The following STX8 variants were observed in gnomAD, a reference collection of about 807,000 sequenced individuals.
STX8 encodes the protein syntaxin-8.
STX8 carries 23 observed loss-of-function variants against 37.5 expected under a neutral mutation model. That is an observed-to-expected ratio of 0.61 (90% confidence interval 0.44 to 0.87). The LOEUF is 0.87. STX8 is among the 40% of genes least tolerant of loss of function. The probability of loss-of-function intolerance (pLI) is 0.00; values close to 1 mark genes in which losing one functional copy is unlikely to be tolerated. For missense variants in STX8, 313 were observed against 284.7 expected (o/e 1.10, Z -0.71); for synonymous variants, 115 against 99.1 (o/e 1.16, Z -0.95).
intron 4 of STX8, among the ~76,000 whole-genome samples, chr17:9,536,807 G>A (rs1046841596): frequency 2.0e-5 from 3 of 151,000 alleles, no homozygotes; most frequent in South Asian, 4.2e-4. Flanking sequence ...GCAGTGGCAC[G>A]ATCTCAGCTC....
At chr17:9,543,292 G>GTACTTT (rs371620984) in intron 4 of STX8, among the ~76,000 whole-genome samples, 42 of 33,996 alleles carry the variant, frequency 1.2e-3, no homozygotes, top group African/African-American at 6.4e-3. Flanking sequence ...CTAGAAGACA[G>GTACTTT]TTTTTTGGTT....
rs571434433 is a variant in STX8, at chr17:9,374,086, AT to A, written c.643+4465del. ...TGCTATATATATTTTACCACAATTA[AT>A]TTTTTTTTTTTTTTGATGGAGTCTC... On this transcript the variant is annotated intron_variant, in intron 7 of 7. Coordinates refer to ENST00000306357, the MANE Select transcript of STX8 (RefSeq NM_004853.3). Among the ~76,000 whole-genome samples the A allele has an allele frequency of 7.7e-3, 1,112 of 143,968 alleles. 2 individuals are homozygous for A. The highest frequency in any genetic ancestry group is 0.011 in the Middle Eastern group (3 of 284). The allele number at this position is 143,968 out of a possible 152,430, so 94.4% of individuals were successfully genotyped here.
intron 3 of STX8, among the ~76,000 whole-genome samples, chr17:9,545,613 C>G (rs1219457004): frequency 6.6e-6 from 1 of 152,222 alleles, no homozygotes; most frequent in Non-Finnish European, 1.5e-5. Flanking sequence ...CAGAGTCTCG[C>G]TCTGTCGCCC....
chr17:9,390,687 A>G (rs62790562), intron 6 of STX8, among the ~76,000 whole-genome samples: 1 of 145,178 alleles, frequency 6.9e-6, no homozygotes, highest in African/African-American at 2.5e-5. Flanking sequence ...AAAAAAAAAA[A>G]TTAGCCAGGC....
At chr17:9,273,047 G>C (rs774497824) in intron 7 of STX8, among the ~76,000 whole-genome samples, 1 of 152,236 alleles carries the variant, frequency 6.6e-6, no homozygotes, top group Non-Finnish European at 1.5e-5. Context: ...AAGAAGGAAG[G>C]GGGAAAACCG....
chr17:9,428,291 T>A (rs7209078), intron 6 of STX8, among the ~76,000 whole-genome samples: 77,704 of 152,074 alleles, frequency 0.51, 20,452 homozygotes, highest in Middle Eastern at 0.61. Flanking sequence ...TCCAGCCTGG[T>A]GGGCAGTGGC....
At chr17:9,412,771 C>T (rs143452181) in intron 6 of STX8, among the ~76,000 whole-genome samples, 62 of 152,084 alleles carry the variant, frequency 4.1e-4, no homozygotes, top group African/African-American at 1.4e-3. Flanking sequence ...TGTCAAAATA[C>T]ATATTTGTTC....
intron 6 of STX8, among the ~76,000 whole-genome samples, chr17:9,474,222 C>A (rs1906004324): frequency 6.6e-6 from 1 of 152,148 alleles, no homozygotes; most frequent in Non-Finnish European, 1.5e-5. Context: ...ACCTCTATAC[C>A]TTGCCCTATA....
chr17:9,562,613 A>T (rs200891168), intron 2 of STX8, among the ~76,000 whole-genome samples: 1,757 of 51,104 alleles, frequency 0.034, 48 homozygotes, highest in African/African-American at 0.08. Flanking sequence ...AAAAAAAAAA[A>T]ATATATATAT....
chr17:9,566,346 ACT>A (rs1338570857), intron 2 of STX8, among the ~76,000 whole-genome samples: 1 of 152,192 alleles, frequency 6.6e-6, no homozygotes, highest in African/African-American at 2.4e-5. Context: ...ACACTTATAC[ACT>A]GTTAGTGGGA....
chr17:9,280,121 G>C (rs1472169326), intron 7 of STX8, among the ~76,000 whole-genome samples: 3 of 152,208 alleles, frequency 2.0e-5, no homozygotes, highest in Non-Finnish European at 4.4e-5. Flanking sequence ...CTGCGAGGCA[G>C]GGGTGGGAGA....
intron 7 of STX8, among the ~76,000 whole-genome samples, chr17:9,265,284 G>A (rs1907196670): frequency 6.6e-6 from 1 of 152,220 alleles, no homozygotes; most frequent in African/African-American, 2.4e-5. Context: ...AGGGCAAGAG[G>A]TTTCTGGGGC....
At chr17:9,423,809 C>A (rs1913528391) in intron 6 of STX8, among the ~76,000 whole-genome samples, 2 of 152,194 alleles carry the variant, frequency 1.3e-5, no homozygotes, top group African/African-American at 4.8e-5. Flanking sequence ...AAGCTAGACA[C>A]TGCACCAGAC....
At chr17:9,280,343 T>TA (rs1907838625) in intron 7 of STX8, among the ~76,000 whole-genome samples, 1 of 152,230 alleles carries the variant, frequency 6.6e-6, no homozygotes, top group African/African-American at 2.4e-5. Flanking sequence ...GTGGATCACT[T>TA]AAAGTCAGGA....
chr17:9,265,797 G>C (rs1907212426), intron 7 of STX8, among the ~76,000 whole-genome samples: 1 of 152,190 alleles, frequency 6.6e-6, no homozygotes, highest in Non-Finnish European at 1.5e-5. Context: ...TGACGTCCTA[G>C]TGTGTGTTTG....
chr17:9,454,514 TAA>T (rs372730598), intron 6 of STX8, among the ~76,000 whole-genome samples: 1 of 151,736 alleles, frequency 6.6e-6, no homozygotes, highest in South Asian at 2.1e-4. Context: ...CCATCTCTAC[TAA>T]AAAAATACAA....
At chr17:9,403,228 T>G (rs1241885181) in intron 6 of STX8, among the ~76,000 whole-genome samples, 1 of 152,176 alleles carries the variant, frequency 6.6e-6, no homozygotes, top group Non-Finnish European at 1.5e-5. Flanking sequence ...AATTTCACAA[T>G]TCTATCACAG....
chr17:9,506,955 A>C (rs752882592), intron 4 of STX8, among the ~76,000 whole-genome samples: 34 of 150,818 alleles, frequency 2.3e-4, no homozygotes, highest in Non-Finnish European at 4.1e-4. Context: ...AGGTGGCTGA[A>C]CTCCACAACC....
intron 4 of STX8, among the ~76,000 whole-genome samples, chr17:9,532,970 C>T (rs1905877337): frequency 1.3e-5 from 2 of 152,156 alleles, no homozygotes; most frequent in African/African-American, 4.8e-5. Context: ...TTTTTTTTAT[C>T]AGTTCCTACT....
Sources: gnomAD v4.1 joint callset for allele counts (sites outside exome capture counted in the v4.1 genomes callset) on GRCh38, gnomAD v4.1.1 for gene constraint, MANE v1.5 for transcripts, NCBI Gene and HGNC (gene_info 2026-07-23, HGNC 2026-07-21) for gene names.